ELAPOR2: variants seen among roughly 807,000 people sequenced by gnomAD.
The protein encoded by ELAPOR2 is endosome/lysosome-associated apoptosis and autophagy regulator family member 2.
ELAPOR2 carries 89 observed loss-of-function variants against 120.7 expected under a neutral mutation model. That is an observed-to-expected ratio of 0.74 (90% CI 0.62 to 0.88). The LOEUF (loss-of-function observed/expected upper bound fraction) is 0.88. Among genes scored for constraint, ELAPOR2 ranks in the 40% least tolerant of loss-of-function variants. The probability of loss-of-function intolerance (pLI) is 0.00; values close to 1 mark genes in which losing one functional copy is unlikely to be tolerated. For synonymous variants in ELAPOR2, 444 were observed against 444.9 expected, an observed-to-expected ratio of 1.00 and a Z score of 0.03; for missense variants, 1,134 against 1,251.6, an observed-to-expected ratio of 0.91 and a Z score of 1.42.
chr7:86,996,502 G>A (rs1232582437), intron 1 of ELAPOR2, among the ~76,000 whole-genome samples: 3 of 152,226 alleles, frequency 2.0e-5, no homozygotes, highest in African/African-American at 7.2e-5. Flanking sequence ...ATCATGAAAT[G>A]AGAAGTGGAG....
At chr7:86,960,162 G>A (rs758872732) in intron 2 of ELAPOR2, among the ~76,000 whole-genome samples, 2 of 152,198 alleles carry the variant, frequency 1.3e-5, no homozygotes, top group Non-Finnish European at 2.9e-5. Flanking sequence ...TGTTTGAAAA[G>A]AACATGCATT....
chr7:86,918,358 T>C lies in ELAPOR2; in HGVS notation c.1593+84A>G. ...AAAAAAAAAAAAAAAGGAATTCTTA[T>C]CCCAACTTGCCACAAATAAATTTAC... On this transcript the variant is annotated intron_variant, in intron 12 of 21. Transcript: ENST00000450689. 1 of 450,396 alleles carries C rather than the reference T, an allele frequency of 2.2e-6. No homozygotes were observed. Among genetic ancestry groups the C allele is most frequent in the East Asian group, 4.3e-5 (1 of 23,230 alleles). The allele number at this position is 450,396 out of a possible 1,614,324, so 27.9% of individuals were successfully genotyped here. A position where few individuals can be genotyped will look rare whatever the true frequency, so the allele number is the denominator to read the frequency against.
At chr7:87,038,563 A>T (rs1159789971) in intron 1 of ELAPOR2, among the ~76,000 whole-genome samples, 2 of 152,196 alleles carry the variant, frequency 1.3e-5, no homozygotes, top group Non-Finnish European at 2.9e-5. Context: ...TAATACATTC[A>T]AAAGACTGAA....
chr7:86,941,901 A>G, intron 5 of ELAPOR2, 117 bp downstream of exon 5: 1 of 602,324 alleles, frequency 1.7e-6, no homozygotes, highest in Non-Finnish European at 2.9e-6. Context: ...TTTTTCTTAA[A>G]ATATACTTTT....
At chr7:86,939,047 G>A (rs1371488729) in intron 6 of ELAPOR2, 87 bp from the exon 7 acceptor site, 12 of 1,421,248 alleles carry the variant, frequency 8.4e-6, no homozygotes, top group Non-Finnish European at 9.7e-7. Flanking sequence ...ACCCAGAAGT[G>A]AGGGAGATAT....
At position 86,973,807 on chromosome 7, in the gene ELAPOR2, A is replaced by G. The variant is rs140585422; in HGVS notation, c.190-8783T>C. Among the ~76,000 whole-genome samples the G allele has an allele frequency of 1.0e-3, 155 of 152,284 alleles. 1 individual carries two copies. Among genetic ancestry groups the G allele is most frequent in the African/African-American group, 3.2e-3 (135 of 41,544 alleles). On this transcript the variant is annotated intron_variant, in intron 1 of 21. Coordinates refer to ENST00000450689, the MANE Select transcript of ELAPOR2 (RefSeq NM_001142749.3). ...CTCCTTGGCCCACAGACTGTAAAGC[A>G]ACAAGAGGAACACAGCTAGAGGAGG...
intron 21 of ELAPOR2, among the ~76,000 whole-genome samples, chr7:86,885,913 C>A (rs1197322186): frequency 6.6e-6 from 1 of 152,124 alleles, no homozygotes; most frequent in Non-Finnish European, 1.5e-5. Flanking sequence ...AGAACAGCTA[C>A]ATGTAGAGAA....
intron 8 of ELAPOR2, among the ~76,000 whole-genome samples, chr7:86,933,500 C>T (rs539534585): frequency 2.9e-4 from 44 of 151,974 alleles, no homozygotes; most frequent in Non-Finnish European, 5.2e-4. Context: ...TCTCAGGTTT[C>T]GTTATAATCT....
At chr7:86,892,283 C>A (rs1347053326) in intron 20 of ELAPOR2, among the ~76,000 whole-genome samples, 1 of 152,014 alleles carries the variant, frequency 6.6e-6, no homozygotes, top group African/African-American at 2.4e-5. Flanking sequence ...GTAATTTGGT[C>A]TTTATCATCT....
At chr7:86,895,628 T>C (rs1788402460) in intron 19 of ELAPOR2, among the ~76,000 whole-genome samples, 1 of 152,124 alleles carries the variant, frequency 6.6e-6, no homozygotes, top group African/African-American at 2.4e-5. Flanking sequence ...AACAATCTTA[T>C]AATACGTTGA....
chr7:86,986,008 G>A (rs1164245776), intron 1 of ELAPOR2, among the ~76,000 whole-genome samples: 2 of 151,958 alleles, frequency 1.3e-5, no homozygotes, highest in Non-Finnish European at 2.9e-5. Flanking sequence ...TGCAAGACAG[G>A]GATGCCTTCT....
intron 1 of ELAPOR2, among the ~76,000 whole-genome samples, chr7:86,984,654 T>G (rs1048859541): frequency 6.6e-6 from 1 of 152,194 alleles, no homozygotes; most frequent in African/African-American, 2.4e-5. Context: ...AAAGACACAA[T>G]GTACCAGTAT....
intron 1 of ELAPOR2, among the ~76,000 whole-genome samples, chr7:87,032,614 A>G (rs2116737313): frequency 6.6e-6 from 1 of 152,346 alleles, no homozygotes; most frequent in South Asian, 2.1e-4. Context: ...AGAAATGTAC[A>G]GATAAAAACA....
chr7:86,928,386 A>T (rs150145507), intron 8 of ELAPOR2, among the ~76,000 whole-genome samples: 102 of 152,154 alleles, frequency 6.7e-4, no homozygotes, highest in African/African-American at 2.3e-3. Flanking sequence ...ATAGAAAACA[A>T]ATTTCAAATC....
chr7:86,907,600 T>C, intron 18 of ELAPOR2, 70 bp downstream of exon 18: 2 of 978,278 alleles, frequency 2.0e-6, no homozygotes, highest in East Asian at 2.8e-5. Flanking sequence ...AGAATATGTT[T>C]TAAAATAGTA....
intron 10 of ELAPOR2, among the ~76,000 whole-genome samples, chr7:86,922,472 A>G (rs1179354740): frequency 6.6e-6 from 1 of 151,664 alleles, no homozygotes; most frequent in Non-Finnish European, 1.5e-5. Flanking sequence ...CATTACCTAG[A>G]AAAAAAACAC....
chr7:86,977,800 C>A (rs755562262), intron 1 of ELAPOR2, among the ~76,000 whole-genome samples: 3 of 152,082 alleles, frequency 2.0e-5, no homozygotes, highest in African/African-American at 7.2e-5. Flanking sequence ...AAAATAACCA[C>A]AGTTAGGATG....
chr7:86,959,962 C>T (rs573784755), intron 2 of ELAPOR2, among the ~76,000 whole-genome samples: 1 of 152,032 alleles, frequency 6.6e-6, no homozygotes, highest in Admixed American at 6.5e-5. Flanking sequence ...CTTCTTTGAC[C>T]CAATGGTTGT....
intron 12 of ELAPOR2, among the ~76,000 whole-genome samples, chr7:86,916,993 A>T (rs1310461092): frequency 2.0e-5 from 2 of 98,468 alleles, no homozygotes; most frequent in South Asian, 3.8e-4. Flanking sequence ...TTGGGTAGAG[A>T]TGGGGTTTTG....
Sources: allele counts gnomAD v4.1 joint callset (sites outside exome capture counted in the v4.1 genomes callset), GRCh38; gene constraint gnomAD v4.1.1; transcripts MANE v1.5; gene names NCBI Gene and HGNC (gene_info 2026-07-23, HGNC 2026-07-21).